SPCS2: variants seen among roughly 807,000 people sequenced by gnomAD.
SPCS2 encodes the protein signal peptidase complex subunit 2, also known as SPase 25 kDa subunit.
In SPCS2, 3 loss-of-function variants were observed where a neutral mutation model predicts 22.3. The ratio of observed to expected loss-of-function variants is 0.13; its 90% CI spans 0.06 to 0.35. SPCS2 has a LOEUF of 0.35. Among genes scored for constraint, SPCS2 ranks in the 10% least tolerant of loss-of-function variants. The pLI is 1.00. For missense variants in SPCS2, 169 were observed against 280.9 expected (o/e 0.60, Z 2.85); for synonymous variants, 67 against 97.2 (o/e 0.69, Z 1.83).
chr11:74,974,656 C>T (rs1158084571), intron 4 of SPCS2, among the ~76,000 whole-genome samples: 1 of 152,194 alleles, frequency 6.6e-6, no homozygotes, highest in Non-Finnish European at 1.5e-5. Flanking sequence ...ACACTTTCAT[C>T]TAGGCTGGAG....
intron 1 of SPCS2, among the ~76,000 whole-genome samples, chr11:74,956,485 T>TA: frequency 6.6e-6 from 1 of 152,292 alleles, no homozygotes; most frequent in East Asian, 1.9e-4. Context: ...ACCTGAGAGT[T>TA]ACCCTTGATT....
Position 74,977,267 on chromosome 11 carries a change from A to G in SPCS2, c.*224A>G, listed in dbSNP as rs899359459. ...GTAGTCTCCTTGATCTGCTGATTGC[A>G]TTATTTTAATTTGCTTTTCTGGGAA... On this transcript the variant is annotated 3_prime_UTR_variant, in exon 5 of 5. Transcript: ENST00000263672. 1 of 294,946 alleles carries G rather than the reference A, an allele frequency of 3.4e-6. No individual in the cohort carries two copies. Among genetic ancestry groups the G allele is most frequent in the African/African-American group, 2.2e-5 (1 of 44,844 alleles). 18.3% of individuals were successfully genotyped at this position (294,946 alleles called of 1,614,324 possible).
intron 4 of SPCS2, among the ~76,000 whole-genome samples, chr11:74,972,439 G>A (rs1311471173): frequency 6.6e-6 from 1 of 152,152 alleles, no homozygotes; most frequent in East Asian, 1.9e-4. Context: ...TTTAATATCT[G>A]TGTCTCCTCC....
At chr11:74,972,171 T>C (rs1948588490) in intron 4 of SPCS2, among the ~76,000 whole-genome samples, 1 of 152,152 alleles carries the variant, frequency 6.6e-6, no homozygotes, top group South Asian at 2.1e-4. Flanking sequence ...CTTCAAGTGA[T>C]TCTCCTGCCT....
At chr11:74,965,155 G>A in intron 2 of SPCS2, 38 bp downstream of exon 2, 1 of 1,311,152 alleles carries the variant, frequency 7.6e-7, no homozygotes, top group East Asian at 2.6e-5. Flanking sequence ...TATCTATACA[G>A]CTGATGGCCA....
chr11:74,955,851 A>AATATACATATATATATATAT (rs1555115679), intron 1 of SPCS2, among the ~76,000 whole-genome samples: 5 of 55,594 alleles, frequency 9.0e-5, no homozygotes, highest in African/African-American at 2.3e-4. Context: ...TACTAATTAA[A>AATATACATATATATATATAT]ATATATATAT....
At chr11:74,960,901 C>T (rs904829330) in intron 1 of SPCS2, among the ~76,000 whole-genome samples, 2 of 152,128 alleles carry the variant, frequency 1.3e-5, no homozygotes, top group African/African-American at 4.8e-5. Context: ...TGCCCTCCAT[C>T]CCTTAAAGAA....
chr11:74,960,073 G>A (rs925330485), intron 1 of SPCS2, among the ~76,000 whole-genome samples: 10 of 152,184 alleles, frequency 6.6e-5, no homozygotes, highest in African/African-American at 2.4e-4. Context: ...ATCTTGGCCG[G>A]GTGTGGTGGC....
chr11:74,966,448 A>G (rs1413154236), intron 3 of SPCS2, among the ~76,000 whole-genome samples: 2 of 152,248 alleles, frequency 1.3e-5, no homozygotes, highest in African/African-American at 2.4e-5. Flanking sequence ...TTGAAATCCA[A>G]GGTATCTGTG....
At chr11:74,949,603 C>T (rs554279550) in intron 1 of SPCS2, 109 of 627,268 alleles carry the variant, frequency 1.7e-4, no homozygotes, top group South Asian at 9.7e-4. Context: ...TTTAGAACTT[C>T]TTCTTTTCTC....
rs749569291 is a variant in SPCS2, at chr11:74,949,911, C to G, written c.114+512C>G. On this transcript the variant is annotated intron_variant, in intron 1 of 4. Transcript: ENST00000263672. ...TGAAAATATTTGAGTATTGACTGTTCTACTGGGCTGACAAGAAGCCTTTAA... is the reference window on the plus strand; with the variant it reads ...TGAAAATATTTGAGTATTGACTGTTGTACTGGGCTGACAAGAAGCCTTTAA... Among the ~76,000 whole-genome samples, 157 of 152,198 alleles carry G rather than the reference C, an allele frequency of 1.0e-3. 1 individual carries two copies. The highest frequency in any genetic ancestry group is 1.5e-3 in the Non-Finnish European group (103 of 68,034).
intron 4 of SPCS2, among the ~76,000 whole-genome samples, chr11:74,974,498 C>G (rs1471376198): frequency 6.6e-6 from 1 of 152,182 alleles, no homozygotes; most frequent in African/African-American, 2.4e-5. Flanking sequence ...CTTTCTCAGT[C>G]CTTCTTTAGT....
intron 4 of SPCS2, among the ~76,000 whole-genome samples, chr11:74,970,726 C>A (rs1044094571): frequency 1.8e-4 from 28 of 152,314 alleles, no homozygotes; most frequent in African/African-American, 6.7e-4. Context: ...CTTCTAGCTG[C>A]CCTTTGGCCT....
At chr11:74,969,086 T>C (rs551750670) in intron 3 of SPCS2, among the ~76,000 whole-genome samples, 2 of 152,322 alleles carry the variant, frequency 1.3e-5, no homozygotes, top group East Asian at 3.9e-4. Context: ...TAATAATAAG[T>C]CTATATGCAT....
intron 4 of SPCS2, among the ~76,000 whole-genome samples, chr11:74,971,800 A>G (rs568615538): frequency 3.3e-5 from 5 of 152,330 alleles, no homozygotes; most frequent in Admixed American, 3.3e-4. Flanking sequence ...CCTTCAGCAT[A>G]TGAAGTATTA....
At chr11:74,972,496 A>G (rs892965000) in intron 4 of SPCS2, among the ~76,000 whole-genome samples, 5 of 152,158 alleles carry the variant, frequency 3.3e-5, no homozygotes, top group South Asian at 2.1e-4. Context: ...ACCATTCACT[A>G]TACAGTAGAA....
chr11:74,958,605 A>C (rs147878265), intron 1 of SPCS2, among the ~76,000 whole-genome samples: 1 of 152,164 alleles, frequency 6.6e-6, no homozygotes, highest in Admixed American at 6.5e-5. Flanking sequence ...TTTAGTTTAG[A>C]ACTCCACATA....
intron 1 of SPCS2, among the ~76,000 whole-genome samples, chr11:74,955,837 T>A (rs1278419649): frequency 7.9e-6 from 1 of 127,186 alleles, no homozygotes; most frequent in African/African-American, 2.8e-5. Context: ...ACTATTACTT[T>A]AATTACTAAT....
chr11:74,956,078 C>A (rs960317861), intron 1 of SPCS2, among the ~76,000 whole-genome samples: 14 of 151,710 alleles, frequency 9.2e-5, no homozygotes, highest in African/African-American at 3.4e-4. Context: ...CCCCAGCTTT[C>A]CTCCTACGTC....
Sources: allele counts gnomAD v4.1 joint callset (sites outside exome capture counted in the v4.1 genomes callset), GRCh38; gene constraint gnomAD v4.1.1; transcripts MANE v1.5; gene names NCBI Gene and HGNC (gene_info 2026-07-23, HGNC 2026-07-21).